PEAK1: variants seen among roughly 807,000 people sequenced by gnomAD.
The protein encoded by PEAK1 is inactive tyrosine-protein kinase PEAK1.
In PEAK1, 54 loss-of-function variants were observed where a neutral mutation model predicts 124.7. The ratio of observed to expected loss-of-function variants is 0.43; its 90% CI spans 0.35 to 0.54. PEAK1 has a LOEUF of 0.54. Ranked by LOEUF, PEAK1 falls within the 20% of genes least tolerant of loss-of-function variation. The pLI is 0.01. For synonymous variants in PEAK1, 719 were observed against 760.0 expected, an observed-to-expected ratio of 0.95 and a Z score of 0.89; for missense variants, 2,046 against 2,134.5, an observed-to-expected ratio of 0.96 and a Z score of 0.82.
chr15:77,245,661 T>C (rs916307661), intron 6 of PEAK1, among the ~76,000 whole-genome samples: 14 of 151,838 alleles, frequency 9.2e-5, no homozygotes, highest in African/African-American at 3.4e-4. Flanking sequence ...ATTTTACCAC[T>C]GCACTCCAGC....
rs375248745 is a variant in PEAK1, at chr15:77,333,666, A to G, written c.-603+31497T>C. 1.0e-5 allele frequency: 10 copies of G among 974,622 alleles called. No homozygotes were observed. The Admixed American group carries it at 3.1e-4, about 30-fold the overall frequency. The allele number at this position is 974,622 out of a possible 1,614,324, so 60.4% of individuals were successfully genotyped here. Reference sequence around the variant, plus strand: ...ATATTCTTGTGATAATTTTAAGTCAATATTCTTACCACTTTTGTTTACTAA... The same window carrying G: ...ATATTCTTGTGATAATTTTAAGTCAGTATTCTTACCACTTTTGTTTACTAA... On this transcript the variant is annotated intron_variant, in intron 2 of 9. Coordinates refer to ENST00000682557, the MANE Select transcript of PEAK1 (RefSeq NM_001385026.1).
intron 6 of PEAK1, among the ~76,000 whole-genome samples, chr15:77,216,572 G>T (rs2059157337): frequency 6.6e-6 from 1 of 152,166 alleles, no homozygotes. Context: ...TTTACAAATG[G>T]ATAACTTCTT....
intron 5 of PEAK1, among the ~76,000 whole-genome samples, chr15:77,274,835 A>T (rs370924417): frequency 1.6e-3 from 247 of 152,250 alleles, no homozygotes; most frequent in African/African-American, 5.7e-3. Context: ...AGGAAAAAAA[A>T]GGTCATTATA....
intron 1 of PEAK1, among the ~76,000 whole-genome samples, chr15:77,368,290 C>T (rs578060600): frequency 9.2e-5 from 14 of 152,082 alleles, no homozygotes; most frequent in Non-Finnish European, 2.1e-4. Context: ...CCAAGGCGGG[C>T]GGATCACCTG....
At chr15:77,188,755 G>A (rs914917523) in intron 6 of PEAK1, among the ~76,000 whole-genome samples, 1 of 152,054 alleles carries the variant, frequency 6.6e-6, no homozygotes, top group African/African-American at 2.4e-5. Flanking sequence ...TTGTAATTAT[G>A]TAAGTCCCCA....
chr15:77,404,742 A>T (rs2071668406), intron 1 of PEAK1: 3 of 949,210 alleles, frequency 3.2e-6, no homozygotes, highest in Non-Finnish European at 3.8e-6. Flanking sequence ...TTAATGATAA[A>T]GTCTATGATA....
chr15:77,418,148 A>G (rs2073041521), intron 1 of PEAK1: 1 of 984,466 alleles, frequency 1.0e-6, no homozygotes. Flanking sequence ...GTATACTATC[A>G]ACTGGATAAA....
chr15:77,320,436 A>G (rs1431807680), intron 2 of PEAK1, among the ~76,000 whole-genome samples: 1 of 152,190 alleles, frequency 6.6e-6, no homozygotes, highest in Non-Finnish European at 1.5e-5. Flanking sequence ...TTGAGTAATG[A>G]CTACCAAACT....
chr15:77,353,932 A>C (rs1459510962), intron 2 of PEAK1, among the ~76,000 whole-genome samples: 1 of 152,114 alleles, frequency 6.6e-6, no homozygotes, highest in East Asian at 1.9e-4. Context: ...CCTTTGTTAC[A>C]TTTCTCTCCT....
In PEAK1 at chr15:77,152,181, TTC is replaced by T. The variant is rs1402385244; in HGVS notation, c.3331+6320_3331+6321del. On this transcript the variant is annotated intron_variant, in intron 8 of 9. Transcript: ENST00000682557. ...TATTTCATTGAGCAGTGGTTTGTAG[TTC>T]TCCTTGAAGAGGTCCTTCACATCCC... is the stretch of plus-strand genomic sequence containing the variant. Among the ~76,000 whole-genome samples, 28 of 152,310 alleles carry T rather than the reference TTC, an allele frequency of 1.8e-4. No individual in the cohort carries two copies. In the East Asian group the frequency reaches 5.4e-3, roughly 29 times the overall value.
In PEAK1 at chr15:77,201,044, T is replaced by C. The variant is rs74728129; in HGVS notation, c.-114-19004A>G. On this transcript the variant is annotated intron_variant, in intron 6 of 9. Coordinates refer to ENST00000682557, the MANE Select transcript of PEAK1 (RefSeq NM_001385026.1). Reference sequence around the variant, plus strand: ...ACTATGTAGATGCTACCAAATGTTTTAGCATTTCTCCTCAGATTTACATGT... The same window carrying C: ...ACTATGTAGATGCTACCAAATGTTTCAGCATTTCTCCTCAGATTTACATGT... Among the ~76,000 whole-genome samples the C allele has an allele frequency of 4.5e-3, 681 of 152,164 alleles. 5 individuals carry two copies. The highest frequency in any genetic ancestry group is 0.016 in the African/African-American group (652 of 41,514).
intron 2 of PEAK1, among the ~76,000 whole-genome samples, chr15:77,296,617 A>AAAAT (rs772629004): frequency 6.6e-6 from 1 of 151,734 alleles, no homozygotes; most frequent in African/African-American, 2.4e-5. Flanking sequence ...CTGTCTCAAA[A>AAAAT]AAATAAATAA....
chr15:77,371,704 A>G (rs1013484196), intron 1 of PEAK1, among the ~76,000 whole-genome samples: 14 of 152,202 alleles, frequency 9.2e-5, no homozygotes, highest in African/African-American at 3.4e-4. Flanking sequence ...TCTGGCCAAC[A>G]TGGTGAAATG....
chr15:77,379,919 C>T (rs1042154959), intron 1 of PEAK1, among the ~76,000 whole-genome samples: 5 of 152,158 alleles, frequency 3.3e-5, no homozygotes, highest in Non-Finnish European at 7.4e-5. Flanking sequence ...GATAACTACT[C>T]CAAACCTACC....
rs2055356081 is a variant in PEAK1, at chr15:77,158,558, T to C, written c.3276A>G (p.Glu1092=). The C allele has an allele frequency of 6.2e-7, 1 of 1,614,210 alleles. No homozygotes were observed. The highest frequency in any genetic ancestry group is 8.5e-7 in the Non-Finnish European group (1 of 1,180,010). Residue 1092 remains glutamate, a synonymous_variant, in exon 8 of 10, where the codon GAA becomes GAG. Transcript: ENST00000682557. ...TCGGGTCCATAGGATCTGAAATGTCTTCTTTTCCATCTTCCCTTTCCAGTT... is the reference window on the plus strand; with the variant it reads ...TCGGGTCCATAGGATCTGAAATGTCCTCTTTTCCATCTTCCCTTTCCAGTT... ...LPELEREDGK[E]DISDPMDPNP...
At chr15:77,254,142 G>A (rs1040300056) in intron 5 of PEAK1, among the ~76,000 whole-genome samples, 3 of 152,020 alleles carry the variant, frequency 2.0e-5, no homozygotes, top group African/African-American at 4.8e-5. Context: ...TTAGTAGTGC[G>A]ACTATTATAT....
At chr15:77,213,644 G>A (rs551966835) in intron 6 of PEAK1, among the ~76,000 whole-genome samples, 36 of 152,104 alleles carry the variant, frequency 2.4e-4, no homozygotes, top group Non-Finnish European at 4.6e-4. Flanking sequence ...AGCCGAGATC[G>A]CATCACTGCA....
chr15:77,394,501 T>A (rs766627706), intron 1 of PEAK1, among the ~76,000 whole-genome samples: 4 of 152,122 alleles, frequency 2.6e-5, no homozygotes, highest in East Asian at 1.9e-4. Context: ...CCCAGAGACT[T>A]CTTCTGGATC....
At chr15:77,152,640 CTTAT>C (rs1005427671) in intron 8 of PEAK1, among the ~76,000 whole-genome samples, 8 of 152,046 alleles carry the variant, frequency 5.3e-5, no homozygotes, top group Non-Finnish European at 1.0e-4. Flanking sequence ...ATAGATAGCT[CTTAT>C]TATTTTGAGA....
Sources: gnomAD v4.1 joint callset for allele counts (sites outside exome capture counted in the v4.1 genomes callset) on GRCh38, gnomAD v4.1.1 for gene constraint, MANE v1.5 for transcripts, NCBI Gene and HGNC (gene_info 2026-07-23, HGNC 2026-07-21) for gene names.